Variants in SCN9A observed in about 807,000 individuals in gnomAD.
The protein encoded by SCN9A is sodium channel protein type 9 subunit alpha.
In SCN9A, 131 loss-of-function variants were observed where a neutral mutation model predicts 187.0. The ratio of observed to expected loss-of-function variants is 0.70; its 90% CI spans 0.61 to 0.81. The LOEUF is 0.81. Among genes scored for constraint, SCN9A ranks in the 30% least tolerant of loss-of-function variants. The pLI, the probability that SCN9A is intolerant of heterozygous loss-of-function variation, is 0.00. For missense variants in SCN9A, 2,252 were observed against 2,396.6 expected, an observed-to-expected ratio of 0.94 and a Z score of 1.26; for synonymous variants, 809 against 808.6, an observed-to-expected ratio of 1.00 and a Z score of -0.01.
chr2:166,322,955 G>A (rs1699279528), intron 1 of SCN9A, among the ~76,000 whole-genome samples: 1 of 152,114 alleles, frequency 6.6e-6, no homozygotes, highest in African/African-American at 2.4e-5. Context: ...AACAATACAA[G>A]AGTATCCCTA....
intron 1 of SCN9A, among the ~76,000 whole-genome samples, chr2:166,364,147 G>A (rs973270547): frequency 1.5e-4 from 22 of 146,610 alleles, no homozygotes; most frequent in African/African-American, 5.9e-4. Flanking sequence ...ACACTTGGTC[G>A]GATGGTTATT....
chr2:166,291,990 C>T (rs2106500398), intron 9 of SCN9A, among the ~76,000 whole-genome samples: 1 of 152,250 alleles, frequency 6.6e-6, no homozygotes, highest in South Asian at 2.1e-4. Context: ...CTAGGCAACA[C>T]CATTCAGGAA....
chr2:166,366,773 T>G (rs1700427032), intron 1 of SCN9A, among the ~76,000 whole-genome samples: 1 of 152,150 alleles, frequency 6.6e-6, no homozygotes, highest in Admixed American at 6.5e-5. Context: ...ATCACTAAAA[T>G]AGATTGAGAC....
At position 166,280,442 on chromosome 2, in the gene SCN9A, C is replaced by T. The variant is rs376502773; in HGVS notation, c.2258G>A (p.Cys753Tyr). ...DPFVDLAITI[C>Y]IVLNTLFMAM... is the part of the protein sequence containing the mutation. ...CATAAATAATGTGTTTAAAACTATGCAAATGGTAATTGCAAGATCTACAAA... is the reference window on the plus strand; with the variant it reads ...CATAAATAATGTGTTTAAAACTATGTAAATGGTAATTGCAAGATCTACAAA... The change falls in exon 14 of 27, where the codon TGC (cysteine) becomes TAC (tyrosine). Residue 753 changes from cysteine (C) to tyrosine (Y), a missense_variant. Coordinates refer to ENST00000642356, the MANE Select transcript of SCN9A (RefSeq NM_001365536.1). 6.3e-7 allele frequency: 1 copy of T among 1,590,812 alleles called. No homozygotes were observed. The highest frequency in any genetic ancestry group is 8.6e-7 in the Non-Finnish European group (1 of 1,166,992).
At chr2:166,341,748 C>A (rs1699790595) in intron 1 of SCN9A, among the ~76,000 whole-genome samples, 1 of 152,074 alleles carries the variant, frequency 6.6e-6, no homozygotes, top group African/African-American at 2.4e-5. Context: ...TGACACAGTA[C>A]AGAAGAAAGG....
In SCN9A at chr2:166,280,745, C is replaced by A; in HGVS notation, c.2105-150G>T. The A allele has an allele frequency of 1.2e-5, 7 of 607,028 alleles. No homozygotes were observed. In the South Asian group the frequency reaches 1.5e-4, roughly 13 times the overall value. 37.6% of individuals were successfully genotyped at this position (607,028 alleles called of 1,614,324 possible). A position where few individuals can be genotyped will look rare whatever the true frequency, so the allele number is the denominator to read the frequency against. Reference sequence around the variant, plus strand: ...AGTACTATTTCAATGAAAGCATAGCCTCTTATGTAAGTCTATTATGACATG... The same window carrying A: ...AGTACTATTTCAATGAAAGCATAGCATCTTATGTAAGTCTATTATGACATG... On this transcript the variant is annotated intron_variant, in intron 13 of 26. Coordinates refer to ENST00000642356, the MANE Select transcript of SCN9A (RefSeq NM_001365536.1).
chr2:166,250,341 GA>G (rs1464904112), intron 18 of SCN9A, among the ~76,000 whole-genome samples: 1 of 152,114 alleles, frequency 6.6e-6, no homozygotes, highest in Non-Finnish European at 1.5e-5. Context: ...AATCCTTGAA[GA>G]ATAAGAAAAG....
intron 1 of SCN9A, among the ~76,000 whole-genome samples, chr2:166,366,369 C>A (rs1700417483): frequency 6.6e-6 from 1 of 152,036 alleles, no homozygotes; most frequent in African/African-American, 2.4e-5. Context: ...TTTTTTAAGG[C>A]TAGATAATAT....
At chr2:166,352,477 A>G (rs1390608622) in intron 1 of SCN9A, among the ~76,000 whole-genome samples, 1 of 152,234 alleles carries the variant, frequency 6.6e-6, no homozygotes, top group Non-Finnish European at 1.5e-5. Context: ...CAAATAAGGC[A>G]TTAGCAAGGA....
chr2:166,372,693 T>G (rs1700593532), intron 1 of SCN9A, among the ~76,000 whole-genome samples: 1 of 152,074 alleles, frequency 6.6e-6, no homozygotes, highest in Non-Finnish European at 1.5e-5. Context: ...CATGATATTG[T>G]AAAAATACTA....
At chr2:166,260,431 C>T (rs1382574853) in intron 17 of SCN9A, among the ~76,000 whole-genome samples, 6 of 151,842 alleles carry the variant, frequency 4.0e-5, no homozygotes, top group Non-Finnish European at 5.9e-5. Context: ...GTCTAAGTGC[C>T]ACCTCCTTTC....
chr2:166,212,743 T>A (rs1193522384), intron 24 of SCN9A, among the ~76,000 whole-genome samples: 1 of 152,198 alleles, frequency 6.6e-6, no homozygotes, highest in Non-Finnish European at 1.5e-5. Context: ...GTCATGAAGT[T>A]TGTTTTGACA....
chr2:166,267,883 C>A (rs1696809752), intron 17 of SCN9A, among the ~76,000 whole-genome samples: 1 of 151,900 alleles, frequency 6.6e-6, no homozygotes, highest in Non-Finnish European at 1.5e-5. Flanking sequence ...TCAGTAGCTG[C>A]TGCAAACGTT....
intron 1 of SCN9A, among the ~76,000 whole-genome samples, chr2:166,353,697 T>C (rs1437295315): frequency 6.6e-6 from 1 of 152,152 alleles, no homozygotes; most frequent in African/African-American, 2.4e-5. Flanking sequence ...CCCTCAAATA[T>C]AAATTCAACC....
In SCN9A at chr2:166,197,150, A is replaced by G. The variant is rs1693269612; in HGVS notation, c.*1522T>C. 6.6e-6 allele frequency: 1 copy of G among 152,218 alleles called. No individual in the cohort carries two copies. The highest frequency in any genetic ancestry group is 1.9e-4 in the East Asian group (1 of 5,190). 9.4% of individuals were successfully genotyped at this position (152,218 alleles called of 1,614,324 possible). ...CTCCCACAAAAATCTTCTAAGTAAAACTACATTCTACCTGTGTAGCTCAAT... is the reference window on the plus strand; with the variant it reads ...CTCCCACAAAAATCTTCTAAGTAAAGCTACATTCTACCTGTGTAGCTCAAT... On this transcript the variant is annotated 3_prime_UTR_variant, in exon 27 of 27. Transcript: ENST00000642356.
At chr2:166,365,412 A>G (rs2105321684) in intron 1 of SCN9A, among the ~76,000 whole-genome samples, 1 of 152,284 alleles carries the variant, frequency 6.6e-6, no homozygotes, top group Admixed American at 6.5e-5. Context: ...AAAGAGATCC[A>G]GTTAAAAAAG....
chr2:166,285,844 G>A (rs1233094965), intron 11 of SCN9A, among the ~76,000 whole-genome samples: 1 of 152,060 alleles, frequency 6.6e-6, no homozygotes, highest in Non-Finnish European at 1.5e-5. Context: ...AGAATTAACA[G>A]ACTATGGCAC....
intron 17 of SCN9A, among the ~76,000 whole-genome samples, chr2:166,266,740 C>G (rs1161627913): frequency 6.6e-6 from 1 of 151,518 alleles, no homozygotes; most frequent in Non-Finnish European, 1.5e-5. Context: ...TTTCTCTCAC[C>G]AATATTTTAT....
At chr2:166,341,828 G>A (rs1452230975) in intron 1 of SCN9A, among the ~76,000 whole-genome samples, 2 of 152,182 alleles carry the variant, frequency 1.3e-5, no homozygotes, top group African/African-American at 4.8e-5. Context: ...AACAGCCTGT[G>A]TCTCAAGGAA....
Sources: allele counts gnomAD v4.1 joint callset (sites outside exome capture counted in the v4.1 genomes callset), GRCh38; gene constraint gnomAD v4.1.1; transcripts MANE v1.5; gene names NCBI Gene and HGNC (gene_info 2026-07-23, HGNC 2026-07-21).